TSHZ2: variants seen among roughly 807,000 people sequenced by gnomAD.
The protein encoded by TSHZ2 is teashirt zinc finger homeobox 2.
A neutral mutation model predicts 74.4 loss-of-function variants in TSHZ2; 21 were observed. The ratio of observed to expected loss-of-function variants is 0.28; its 90% CI spans 0.20 to 0.41. The LOEUF is 0.41. TSHZ2 is among the 10% of genes least tolerant of loss of function. The probability of loss-of-function intolerance (pLI) is 1.00; values close to 1 mark genes in which losing one functional copy is unlikely to be tolerated. For synonymous variants in TSHZ2, 540 were observed against 515.3 expected (o/e 1.05, Z -0.65); for missense variants, 1,244 against 1,293.5 (o/e 0.96, Z 0.59).
chr20:53,102,408 AAAAG>A (rs1223521862), intron 1 of TSHZ2, among the ~76,000 whole-genome samples: 13 of 151,500 alleles, frequency 8.6e-5, no homozygotes, highest in African/African-American at 1.9e-4. Flanking sequence ...AAAAAAAAAG[AAAAG>A]AAAGAAAGGA....
chr20:53,206,151 A>AGT (rs2123595130), intron 1 of TSHZ2, among the ~76,000 whole-genome samples: 1 of 152,332 alleles, frequency 6.6e-6, no homozygotes, highest in African/African-American at 2.4e-5. Context: ...CCTGGGAGTC[A>AGT]GAGGTTGCAG....
At chr20:53,280,175 C>G (rs535194920) in intron 2 of TSHZ2, among the ~76,000 whole-genome samples, 1 of 152,152 alleles carries the variant, frequency 6.6e-6, no homozygotes, top group East Asian at 1.9e-4. Context: ...TGTACCTTTC[C>G]TTCCTTATCA....
At chr20:53,436,096 A>C (rs1984050519) in intron 2 of TSHZ2, among the ~76,000 whole-genome samples, 1 of 151,936 alleles carries the variant, frequency 6.6e-6, no homozygotes. Flanking sequence ...CAGTATCTGG[A>C]ATAGAGTGAG....
intron 1 of TSHZ2, among the ~76,000 whole-genome samples, chr20:53,061,965 A>G (rs1329616821): frequency 6.6e-6 from 1 of 152,156 alleles, no homozygotes; most frequent in East Asian, 1.9e-4. Flanking sequence ...TTCCCTATGT[A>G]AATAAGTAAG....
chr20:53,255,374 C>A lies in TSHZ2; in HGVS notation c.1916C>A (p.Thr639Lys). 6.2e-7 allele frequency: 1 copy of A among 1,614,076 alleles called. No individual in the cohort carries two copies. The highest frequency in any genetic ancestry group is 8.5e-7 in the Non-Finnish European group (1 of 1,180,014). Residue 639 changes from threonine to lysine, a missense_variant, in exon 2 of 3, where the codon ACA becomes AAA. This residue lies in a region of TSHZ2 where 562 missense variants were observed against 544.0 expected (regional missense o/e 1.03). Coordinates refer to ENST00000371497, the MANE Select transcript of TSHZ2 (RefSeq NM_173485.6). This position sits in a 1 kb window ranked among gnomAD's most constrained non-coding sequence, Gnocchi z 4.1. The stretch of plus-strand genomic sequence containing the variant: ...GGCGATTCTTTCCGCAAAAGTGAAA[C>A]ACCTCCAGAAGCCAAAAAGACCGAG... The part of the protein sequence containing the change: ...SEGDSFRKSE[T>K]PPEAKKTELG...
intron 2 of TSHZ2, among the ~76,000 whole-genome samples, chr20:53,346,905 T>A (rs1037870032): frequency 1.3e-5 from 2 of 152,206 alleles, no homozygotes; most frequent in Non-Finnish European, 2.9e-5. Context: ...CATCTCTTTG[T>A]CCAGTTCCTG....
chr20:53,459,165 A>T (rs1183272850), intron 2 of TSHZ2, among the ~76,000 whole-genome samples: 2 of 151,748 alleles, frequency 1.3e-5, no homozygotes, highest in Non-Finnish European at 2.9e-5. Context: ...GGTGTTAAAG[A>T]CTCGCATTAT....
intron 2 of TSHZ2, among the ~76,000 whole-genome samples, chr20:53,319,965 G>A (rs1438725633): frequency 6.6e-6 from 1 of 152,144 alleles, no homozygotes; most frequent in Non-Finnish European, 1.5e-5. Flanking sequence ...TGGGTGTGGT[G>A]CACTTCTAGC....
chr20:53,293,863 A>C (rs1223803459), intron 2 of TSHZ2, among the ~76,000 whole-genome samples: 1 of 152,020 alleles, frequency 6.6e-6, no homozygotes, highest in East Asian at 1.9e-4. Flanking sequence ...TAAAAATACA[A>C]AAATTAGCTG....
chr20:52,999,377 A>G (rs537138760), intron 1 of TSHZ2, among the ~76,000 whole-genome samples: 1 of 152,334 alleles, frequency 6.6e-6, no homozygotes, highest in African/African-American at 2.4e-5. Context: ...AAGAAGAAAA[A>G]CAAAGGGTGG....
intron 1 of TSHZ2, among the ~76,000 whole-genome samples, chr20:53,003,413 T>G (rs2122970216): frequency 6.6e-6 from 1 of 152,252 alleles, no homozygotes; most frequent in African/African-American, 2.4e-5. Context: ...GCCCTTCTTT[T>G]TACTCCTTCC....
chr20:53,369,571 C>T (rs1274196563), intron 2 of TSHZ2, among the ~76,000 whole-genome samples: 1 of 151,830 alleles, frequency 6.6e-6, no homozygotes, highest in Non-Finnish European at 1.5e-5. Flanking sequence ...ATTAGCTGGG[C>T]ATGGTGGTGC....
At chr20:53,105,048 G>A (rs758478527) in intron 1 of TSHZ2, among the ~76,000 whole-genome samples, 1 of 152,148 alleles carries the variant, frequency 6.6e-6, no homozygotes, top group Non-Finnish European at 1.5e-5. Context: ...GTCACATTTG[G>A]TTAGAGATTT....
At position 52,973,025 on chromosome 20, in the gene TSHZ2, A is replaced by AAAAC. The variant is rs1981182843; in HGVS notation, c.-266_-265insCAAA. 7.4e-6 allele frequency: 3 copies of AAAAC among 405,670 alleles called. No homozygotes were observed. Among genetic ancestry groups the AAAAC allele is most frequent in the African/African-American group, 6.2e-5 (3 of 48,370 alleles). 25.1% of individuals were successfully genotyped at this position (405,670 alleles called of 1,614,324 possible). A position where few individuals can be genotyped will look rare whatever the true frequency, so the allele number is the denominator to read the frequency against. On this transcript the variant is annotated 5_prime_UTR_variant, in exon 1 of 3. It introduces an in-frame stop codon into an upstream open reading frame of the 5' UTR. Coordinates refer to ENST00000371497, the MANE Select transcript of TSHZ2 (RefSeq NM_173485.6). Reference sequence around the variant, plus strand: ...AAAAAAGAGAGAGGAAAAAAAATTCAAAATAAACAAACAAACAAACAAGGC... The same window carrying AAAAC: ...AAAAAAGAGAGAGGAAAAAAAATTCAAAACAAATAAACAAACAAACAAACAAGGC...
At chr20:53,446,827 C>A (rs1047699761) in intron 2 of TSHZ2, among the ~76,000 whole-genome samples, 11 of 152,154 alleles carry the variant, frequency 7.2e-5, no homozygotes, top group Non-Finnish European at 1.6e-4. Flanking sequence ...GAAGTCCCAG[C>A]TCCTAACATG....
chr20:53,337,454 T>G (rs912826322), intron 2 of TSHZ2, among the ~76,000 whole-genome samples: 2 of 152,186 alleles, frequency 1.3e-5, no homozygotes, highest in African/African-American at 4.8e-5. Context: ...CTCTGTATGT[T>G]TCATTGGACG....
chr20:52,980,813 A>T (rs1283826220), intron 1 of TSHZ2, among the ~76,000 whole-genome samples: 1 of 152,178 alleles, frequency 6.6e-6, no homozygotes, highest in Non-Finnish European at 1.5e-5. Context: ...TAGGGGAAAA[A>T]TGGCTTGTGT....
At chr20:53,316,656 T>C (rs1243897734) in intron 2 of TSHZ2, among the ~76,000 whole-genome samples, 1 of 151,944 alleles carries the variant, frequency 6.6e-6, no homozygotes, top group East Asian at 1.9e-4. Flanking sequence ...AAATATGTAA[T>C]TTTGGGTAAG....
At chr20:53,149,335 G>A (rs1256558573) in intron 1 of TSHZ2, among the ~76,000 whole-genome samples, 1 of 152,050 alleles carries the variant, frequency 6.6e-6, no homozygotes, top group Non-Finnish European at 1.5e-5. Context: ...TTTTTTTCTG[G>A]AAGGGCTCAG....
Sources: allele counts gnomAD v4.1 joint callset (sites outside exome capture counted in the v4.1 genomes callset), GRCh38; gene constraint gnomAD v4.1.1; regional missense constraint gnomAD v4.1.1; non-coding constraint Gnocchi (gnomAD v3.1); transcripts MANE v1.5; gene names NCBI Gene and HGNC (gene_info 2026-07-23, HGNC 2026-07-21).